The following WAPL variants were observed in gnomAD, a reference collection of about 807,000 sequenced individuals.
WAPL encodes wings apart-like protein homolog.
WAPL carries 5 observed loss-of-function variants against 121.0 expected under a neutral mutation model. The observed-to-expected ratio is 0.04, with a 90% confidence interval of 0.02 to 0.09. The LOEUF is 0.09. WAPL is among the 10% of genes least tolerant of loss of function. WAPL has a pLI of 1.00. For synonymous variants in WAPL, 480 were observed against 481.5 expected (o/e 1.00, Z 0.04); for missense variants, 999 against 1,410.8 (o/e 0.71, Z 4.68).
intron 2 of WAPL, among the ~76,000 whole-genome samples, chr10:86,501,945 G>A (rs1487882201): frequency 6.6e-6 from 1 of 152,184 alleles, no homozygotes; most frequent in African/African-American, 2.4e-5. Flanking sequence ...TCCTGCCTCT[G>A]CCTCCCAAAG....
intron 4 of WAPL, among the ~76,000 whole-genome samples, chr10:86,482,832 G>C (rs2132204384): frequency 6.6e-6 from 1 of 152,260 alleles, no homozygotes; most frequent in African/African-American, 2.4e-5. Context: ...GGCAGGTAGG[G>C]GAAATGGGAT....
At chr10:86,480,899 G>A (rs766474001) in intron 4 of WAPL, among the ~76,000 whole-genome samples, 3 of 152,098 alleles carry the variant, frequency 2.0e-5, no homozygotes, top group African/African-American at 4.8e-5. Context: ...ACCACACAAG[G>A]GAAACTTGGG....
Position 86,489,962 on chromosome 10 carries a change from T to G in WAPL, c.1644+7239A>C, listed in dbSNP as rs550787153. On this transcript the variant is annotated intron_variant, in intron 4 of 18. Coordinates refer to ENST00000298767, the MANE Select transcript of WAPL (RefSeq NM_015045.5). The stretch of plus-strand genomic sequence containing the variant: ...TGGCTTGGCACGGTGGGAGGCCAAC[T>G]TTGGTACTTTGGGAGGCCAAGGTGG... Among the ~76,000 whole-genome samples, 200 of 150,284 alleles carry G rather than the reference T, an allele frequency of 1.3e-3. 1 individual carries two copies. The highest frequency in any genetic ancestry group is 2.0e-3 in the Non-Finnish European group (134 of 67,780).
chr10:86,503,596 C>CA (rs1842288070), intron 2 of WAPL, among the ~76,000 whole-genome samples: 1 of 151,578 alleles, frequency 6.6e-6, no homozygotes, highest in Non-Finnish European at 1.5e-5. Context: ...ACTAAAAATA[C>CA]AAAAAAATGA....
intron 4 of WAPL, among the ~76,000 whole-genome samples, chr10:86,481,649 A>G (rs1841791030): frequency 6.6e-6 from 1 of 152,164 alleles, no homozygotes; most frequent in Non-Finnish European, 1.5e-5. Context: ...CTGGGATTAC[A>G]GGCGTGAACC....
At chr10:86,473,843 A>T in intron 5 of WAPL, 35 bp downstream of exon 5, 1 of 1,511,534 alleles carries the variant, frequency 6.6e-7, no homozygotes, top group East Asian at 2.3e-5. Context: ...ATAGCTTATT[A>T]AAAAACACAA....
At chr10:86,460,576 C>A in intron 10 of WAPL, 80 bp from the exon 11 acceptor site, 1 of 1,143,878 alleles carries the variant, frequency 8.7e-7, no homozygotes, top group Non-Finnish European at 1.3e-6. Context: ...ACATTAGAAG[C>A]CATCTGTACA....
At chr10:86,514,234 A>G (rs1842516258) in intron 2 of WAPL, among the ~76,000 whole-genome samples, 1 of 152,222 alleles carries the variant, frequency 6.6e-6, no homozygotes, top group Non-Finnish European at 1.5e-5. Context: ...GAAAAGTCAC[A>G]AAGTACAAAA....
At chr10:86,452,290 AG>A (rs1485092370) in intron 14 of WAPL, among the ~76,000 whole-genome samples, 159 bp from the exon 15 acceptor site, 98 of 13,992 alleles carry the variant, frequency 7.0e-3, no homozygotes, top group African/African-American at 0.07. Context: ...AAAGAAAAAA[AG>A]AAAAAAAAAA....
intron 1 of WAPL, among the ~76,000 whole-genome samples, chr10:86,518,491 T>A (rs937226424): frequency 6.6e-6 from 1 of 152,228 alleles, no homozygotes; most frequent in African/African-American, 2.4e-5. Context: ...GCAGCTCACT[T>A]GAGGCCAGGA....
chr10:86,504,243 A>C (rs946203713), intron 2 of WAPL, among the ~76,000 whole-genome samples: 2 of 151,618 alleles, frequency 1.3e-5, no homozygotes, highest in African/African-American at 4.9e-5. Context: ...ATCTATAATG[A>C]ATTAAATAAC....
At position 86,464,856 on chromosome 10, in the gene WAPL, C is replaced by A. The variant is rs145970684; in HGVS notation, c.2370+2423G>T. 4.8e-3 allele frequency among the ~76,000 whole-genome samples: 724 copies of A among 152,036 alleles called. 3 individuals are homozygous for A. Among genetic ancestry groups the A allele is most frequent in the Admixed American group, 0.01 (153 of 15,270 alleles). On this transcript the variant is annotated intron_variant, in intron 9 of 18. Coordinates refer to ENST00000298767, the MANE Select transcript of WAPL (RefSeq NM_015045.5). ...CGTCTCAAAAAAACAAACAAACAAACAAAAAAAAGTTTTACATGTAGCATA... is the reference window on the plus strand; with the variant it reads ...CGTCTCAAAAAAACAAACAAACAAAAAAAAAAAAGTTTTACATGTAGCATA...
intron 13 of WAPL, 34 bp downstream of exon 13, chr10:86,453,622 C>T (rs1296327296): frequency 6.3e-7 from 1 of 1,577,068 alleles, no homozygotes; most frequent in Non-Finnish European, 8.6e-7. Context: ...CAATATACAT[C>T]TTTCAATGAG....
chr10:86,484,827 A>G (rs1427940555), intron 4 of WAPL, among the ~76,000 whole-genome samples: 1 of 151,892 alleles, frequency 6.6e-6, no homozygotes, highest in African/African-American at 2.4e-5. Flanking sequence ...AGGCTATACC[A>G]TATAGCCTAG....
chr10:86,508,358 C>G (rs1237637130), intron 2 of WAPL, among the ~76,000 whole-genome samples: 2 of 152,158 alleles, frequency 1.3e-5, no homozygotes, highest in Non-Finnish European at 1.5e-5. Flanking sequence ...CTCAACTTTC[C>G]TCCTTCCAGC....
Position 86,517,679 on chromosome 10 carries a change from C to G in WAPL, c.391G>C (p.Asp131His), listed in dbSNP as rs749826376. 1 of 1,614,104 alleles carries G rather than the reference C, an allele frequency of 6.2e-7. No homozygotes were observed. The highest frequency in any genetic ancestry group is 1.1e-5 in the South Asian group (1 of 91,074). ...HVVVEDTVVSDKCFPLEDTLL... is the reference protein window; with the variant it reads ...HVVVEDTVVSHKCFPLEDTLL... Reference sequence around the variant, plus strand: ...GTGTCCTCCAAAGGGAAGCATTTATCAGAAACGACAGTGTCTTCAACGACC... The same window carrying G: ...GTGTCCTCCAAAGGGAAGCATTTATGAGAAACGACAGTGTCTTCAACGACC... Residue 131 changes from aspartate (D) to histidine (H), a missense_variant, in exon 2 of 19, where the codon GAT becomes CAT. Physicochemically the swap from Asp to His is moderately conservative, Grantham distance 81. Transcript: ENST00000298767.
intron 1 of WAPL, among the ~76,000 whole-genome samples, chr10:86,521,036 C>T (rs1044360600): frequency 6.6e-6 from 1 of 152,082 alleles, no homozygotes; most frequent in African/African-American, 2.4e-5. Context: ...TTCGACGCCC[C>T]GGAAGCCTCT....
intron 12 of WAPL, among the ~76,000 whole-genome samples, chr10:86,454,721 G>A (rs1841090497): frequency 6.6e-6 from 1 of 151,088 alleles, no homozygotes; most frequent in Non-Finnish European, 1.5e-5. Flanking sequence ...GAGGCCCTCT[G>A]CCCGGCCGCC....
chr10:86,479,504 T>A (rs1256582711), intron 4 of WAPL, among the ~76,000 whole-genome samples: 1 of 152,226 alleles, frequency 6.6e-6, no homozygotes, highest in Admixed American at 6.5e-5. Flanking sequence ...TCCACCTGCC[T>A]TGGCCTCCCA....
Sources: allele counts gnomAD v4.1 joint callset (sites outside exome capture counted in the v4.1 genomes callset), GRCh38; gene constraint gnomAD v4.1.1; transcripts MANE v1.5; gene names NCBI Gene and HGNC (gene_info 2026-07-23, HGNC 2026-07-21).